Variants in CCDC18 observed in about 807,000 individuals in gnomAD.
CCDC18 encodes coiled-coil domain containing 18, also known as coiled-coil domain-containing protein 18.
Under a neutral mutation model 196.0 loss-of-function variants are expected in CCDC18, and 157 were observed. That is an observed-to-expected ratio of 0.80 (90% CI 0.70 to 0.91). The LOEUF (loss-of-function observed/expected upper bound fraction) is 0.91. CCDC18 is among the 40% of genes least tolerant of loss of function. The probability of loss-of-function intolerance (pLI) is 0.00; values close to 1 mark genes in which losing one functional copy is unlikely to be tolerated. For synonymous variants in CCDC18, 482 were observed against 529.2 expected, an observed-to-expected ratio of 0.91 and a Z score of 1.22; for missense variants, 1,465 against 1,611.6, an observed-to-expected ratio of 0.91 and a Z score of 1.56.
Position 93,246,120 on chromosome 1 carries a change from G to C in CCDC18, c.2997G>C (p.Glu999Asp). The change falls in exon 22 of 29, where the codon GAG becomes GAC. Residue 999 changes from glutamate (E) to aspartate (D), a missense_variant. By Grantham distance (45) the Glu-to-Asp change is conservative. Coordinates refer to ENST00000690025, the MANE Select transcript of CCDC18 (RefSeq NM_001378204.1). ...TAAATTGTAGAGAATGCAAGATGGA[G>C]ATTGAAGACAAAAAGCAGGAGCTCC... ...LTAELRECKM[E>D]IEDKKQELLE... 6.2e-7 allele frequency: 1 copy of C among 1,603,674 alleles called. No homozygotes were observed. The highest frequency in any genetic ancestry group is 8.5e-7 in the Non-Finnish European group (1 of 1,174,634).
upstream of CCDC18, chr1:93,180,179 G>C: frequency 6.2e-7 from 1 of 1,613,608 alleles, no homozygotes; most frequent in Non-Finnish European, 8.5e-7. Flanking sequence ...GCCCCAGGCA[G>C]CAGCACCGGA....
chr1:93,256,061 A>G (rs1316263024), intron 24 of CCDC18, among the ~76,000 whole-genome samples: 1 of 152,184 alleles, frequency 6.6e-6, no homozygotes. Context: ...TTAAAATGAT[A>G]AAAGATTATA....
In CCDC18 at chr1:93,183,471, A is replaced by G. The variant is rs770258055; in HGVS notation, c.110A>G (p.Gln37Arg). The G allele has an allele frequency of 4.4e-6, 7 of 1,603,428 alleles. No individual in the cohort carries two copies. In the Admixed American group the frequency reaches 1.2e-4, roughly 27 times the overall value. The change falls in exon 2 of 29, where the codon CAG (glutamine) becomes CGG (arginine). Residue 37 changes from glutamine (Q) to arginine (R), a missense_variant. Coordinates refer to ENST00000690025, the MANE Select transcript of CCDC18 (RefSeq NM_001378204.1). The part of the protein sequence containing the change: ...HELKITEWSL[Q>R]SLGEELSSVS... ...CTGAAGATAACAGAATGGAGTTTGC[A>G]GAGTTTAGGGGAAGAGTTATCCAGG...
intron 6 of CCDC18, 56 bp downstream of exon 6, chr1:93,193,800 C>T (rs1303991832): frequency 9.2e-6 from 12 of 1,303,794 alleles, no homozygotes; most frequent in Non-Finnish European, 1.2e-5. Flanking sequence ...GGAAATATTA[C>T]CTATTTAAAA....
chr1:93,195,260 A>T (rs371955179), intron 6 of CCDC18, among the ~76,000 whole-genome samples: 2 of 148,848 alleles, frequency 1.3e-5, no homozygotes, highest in African/African-American at 4.8e-5. Context: ...ATAAAAGGGT[A>T]TTATTGCTGA....
intron 7 of CCDC18, among the ~76,000 whole-genome samples, chr1:93,202,684 TG>T (rs1654029247): frequency 1.3e-5 from 2 of 152,112 alleles, no homozygotes; most frequent in African/African-American, 4.8e-5. Context: ...AGTAAGAAGA[TG>T]GGTGTTCATT....
chr1:93,254,327 T>G (rs2101058165), intron 23 of CCDC18, 144 bp from the exon 24 acceptor site: 1 of 581,610 alleles, frequency 1.7e-6, no homozygotes, highest in East Asian at 3.3e-5. Context: ...ATTTTTGTGC[T>G]TATTTCCAGG....
At chr1:93,277,875 C>A (rs1665709994) in intron 28 of CCDC18, among the ~76,000 whole-genome samples, 1 of 152,068 alleles carries the variant, frequency 6.6e-6, no homozygotes, top group Non-Finnish European at 1.5e-5. Context: ...GACACTGATG[C>A]CAAAATGTTA....
chr1:93,183,511 C>A lies in CCDC18; in HGVS notation c.134+16C>A. ...AGTTATCCAGGTAAGTAAGTAAAAT[C>A]ACATATAGAATTCACTGTGCCTTAA... is the stretch of plus-strand genomic sequence containing the variant. On this transcript the variant is annotated intron_variant, in intron 2 of 28. Coordinates refer to ENST00000690025, the MANE Select transcript of CCDC18 (RefSeq NM_001378204.1). 1 of 1,565,836 alleles carries A rather than the reference C, an allele frequency of 6.4e-7. No homozygotes were observed. Among genetic ancestry groups the A allele is most frequent in the Non-Finnish European group, 8.7e-7 (1 of 1,154,956 alleles).
chr1:93,235,989 G>A (rs1660022108), intron 18 of CCDC18, among the ~76,000 whole-genome samples: 1 of 152,124 alleles, frequency 6.6e-6, no homozygotes, highest in South Asian at 2.1e-4. Flanking sequence ...ACAATGAAAA[G>A]GGGAATATTT....
intron 18 of CCDC18, among the ~76,000 whole-genome samples, chr1:93,234,642 C>T (rs1659759976): frequency 6.8e-6 from 1 of 146,652 alleles, no homozygotes; most frequent in Admixed American, 6.6e-5. Context: ...GCATAGGTTC[C>T]ATTTTGCATC....
intron 10 of CCDC18, among the ~76,000 whole-genome samples, chr1:93,211,818 C>T (rs1327049986): frequency 2.6e-5 from 4 of 152,086 alleles, no homozygotes; most frequent in Non-Finnish European, 5.9e-5. Flanking sequence ...TTTTCTTATA[C>T]ATATATATGA....
intron 17 of CCDC18, 22 bp from the exon 18 acceptor site, chr1:93,232,403 AG>A: frequency 7.2e-7 from 1 of 1,393,854 alleles, no homozygotes; most frequent in Non-Finnish European, 1.0e-6. Flanking sequence ...TTGTATTGAG[AG>A]ATATATATAT....
chr1:93,269,775 C>T (rs986283951), intron 27 of CCDC18: 1 of 151,932 alleles, frequency 6.6e-6, no homozygotes, highest in African/African-American at 2.4e-5. Context: ...TCCCAAAGTT[C>T]AGTCAGAGGA....
chr1:93,189,905 G>C (rs568029791), intron 4 of CCDC18, among the ~76,000 whole-genome samples: 1 of 152,112 alleles, frequency 6.6e-6, no homozygotes, highest in Non-Finnish European at 1.5e-5. Flanking sequence ...GGACTCAAGC[G>C]ATCCACCCAC....
intron 28 of CCDC18, among the ~76,000 whole-genome samples, chr1:93,275,139 C>T (rs1253564670): frequency 3.3e-5 from 5 of 152,106 alleles, no homozygotes; most frequent in African/African-American, 1.2e-4. Flanking sequence ...GAGGCAGAGT[C>T]TTGTGCTGTC....
intron 4 of CCDC18, among the ~76,000 whole-genome samples, chr1:93,191,605 A>G (rs1200830781): frequency 6.6e-6 from 1 of 152,206 alleles, no homozygotes; most frequent in African/African-American, 2.4e-5. Flanking sequence ...GATTCTTCCT[A>G]GTAAGCATGT....
intron 7 of CCDC18, among the ~76,000 whole-genome samples, chr1:93,203,348 A>C (rs1485013752): frequency 6.6e-6 from 1 of 152,232 alleles, no homozygotes; most frequent in Non-Finnish European, 1.5e-5. Context: ...TGTCTGTAGA[A>C]TATCCAGTTA....
At chr1:93,197,657 GC>G (rs1245061551) in intron 6 of CCDC18, among the ~76,000 whole-genome samples, 1 of 150,430 alleles carries the variant, frequency 6.6e-6, no homozygotes, top group African/African-American at 2.4e-5. Flanking sequence ...GCCCACTACA[GC>G]CCATGATGAC....
Sources: allele counts gnomAD v4.1 joint callset (sites outside exome capture counted in the v4.1 genomes callset), GRCh38; gene constraint gnomAD v4.1.1; transcripts MANE v1.5; gene names NCBI Gene and HGNC (gene_info 2026-07-23, HGNC 2026-07-21).